KIF2A: variants seen among roughly 807,000 people sequenced by gnomAD.
KIF2A encodes the protein kinesin family member 2A.
A neutral mutation model predicts 100.2 loss-of-function variants in KIF2A; 22 were observed. The ratio of observed to expected loss-of-function variants is 0.22; its 90% confidence interval spans 0.16 to 0.31. KIF2A has a LOEUF of 0.31. Ranked by LOEUF, KIF2A falls within the 10% of genes least tolerant of loss-of-function variation. KIF2A has a pLI of 1.00. For synonymous variants in KIF2A, 268 were observed against 285.9 expected (o/e 0.94, Z 0.63); for missense variants, 495 against 898.7 (o/e 0.55, Z 5.74).
At chr5:62,379,302 C>A (rs1021028484) in intron 19 of KIF2A, among the ~76,000 whole-genome samples, 1 of 152,040 alleles carries the variant, frequency 6.6e-6, no homozygotes, top group Non-Finnish European at 1.5e-5. Flanking sequence ...TTATGATCTG[C>A]CATTTCACAA....
In KIF2A at chr5:62,371,008, T is replaced by C. The variant is rs556275737; in HGVS notation, c.1647-1430T>C. ...CAGGCCAGACGCTGTAGCTCATGCTTGTAATCCCAGTACTTTGGGAGGCCG... is the reference window on the plus strand; with the variant it reads ...CAGGCCAGACGCTGTAGCTCATGCTCGTAATCCCAGTACTTTGGGAGGCCG... On this transcript the variant is annotated intron_variant, in intron 16 of 20. Coordinates refer to ENST00000407818, the MANE Select transcript of KIF2A (RefSeq NM_001098511.3). Among the ~76,000 whole-genome samples, 796 of 152,294 alleles carry C rather than the reference T, an allele frequency of 5.2e-3. 4 individuals are homozygous for C. Among genetic ancestry groups the C allele is most frequent in the Non-Finnish European group, 7.1e-3 (481 of 68,016 alleles).
chr5:62,385,610 C>A lies in KIF2A; in HGVS notation c.*41C>A. 1.5e-6 allele frequency: 2 copies of A among 1,366,338 alleles called. No individual in the cohort carries two copies. Among genetic ancestry groups the A allele is most frequent in the Non-Finnish European group, 1.0e-6 (1 of 975,558 alleles). The allele number at this position is 1,366,338 out of a possible 1,614,324, so 84.6% of individuals were successfully genotyped here. ...TAAAGGATACCCAGAACCCTCACTA[C>A]TGTAACATACAACGGTTCAGCTGTA... On this transcript the variant is annotated 3_prime_UTR_variant, in exon 21 of 21. Coordinates refer to ENST00000407818, the MANE Select transcript of KIF2A (RefSeq NM_001098511.3).
Position 62,386,324 on chromosome 5 carries a change from C to A in KIF2A, c.*755C>A, listed in dbSNP as rs1315259444. 1 of 152,378 alleles carries A rather than the reference C, an allele frequency of 6.6e-6. No homozygotes were observed. The highest frequency in any genetic ancestry group is 1.5e-5 in the Non-Finnish European group (1 of 67,984). 9.4% of individuals were successfully genotyped at this position (152,378 alleles called of 1,614,324 possible). A position where few individuals can be genotyped will look rare whatever the true frequency, so the allele number is the denominator to read the frequency against. ...TGATTATAATTTTTCTTAGCATTTT[C>A]TTTGTAAAGAACTACAATATAAACT... is the stretch of plus-strand genomic sequence containing the variant. On this transcript the variant is annotated 3_prime_UTR_variant, in exon 21 of 21. Coordinates refer to ENST00000407818, the MANE Select transcript of KIF2A (RefSeq NM_001098511.3).
rs760247324 is a variant in KIF2A at position 62,306,458 on chromosome 5, G to A, written c.-15G>A. On this transcript the variant is annotated 5_prime_UTR_variant, in exon 1 of 21. Coordinates refer to ENST00000407818, the MANE Select transcript of KIF2A (RefSeq NM_001098511.3). ...CCCCCTCCCTCGGCCCGCTGCTGCTGCTCCAGATGAGGTGATGGCAACGGC... is the reference window on the plus strand; with the variant it reads ...CCCCCTCCCTCGGCCCGCTGCTGCTACTCCAGATGAGGTGATGGCAACGGC... The A allele has an allele frequency of 5.2e-6, 8 of 1,541,312 alleles. No individual in the cohort carries two copies. The South Asian group carries it at 8.5e-5, about 16-fold the overall frequency.
chr5:62,355,917 G>A (rs567512371), intron 7 of KIF2A, among the ~76,000 whole-genome samples: 158 of 151,770 alleles, frequency 1.0e-3, no homozygotes, highest in South Asian at 4.2e-3. Flanking sequence ...AAGTAGCTGG[G>A]ACTACAGGCG....
At chr5:62,352,105 A>T (rs1368585021) in intron 4 of KIF2A, among the ~76,000 whole-genome samples, 1 of 149,338 alleles carries the variant, frequency 6.7e-6, no homozygotes, top group African/African-American at 2.5e-5. Flanking sequence ...GTGAGCCGAG[A>T]TTGCACCACT....
chr5:62,346,830 G>A (rs945770188), intron 1 of KIF2A, among the ~76,000 whole-genome samples: 1 of 152,204 alleles, frequency 6.6e-6, no homozygotes, highest in Non-Finnish European at 1.5e-5. Context: ...GATTAGAACT[G>A]TTTAACAGTT....
intron 1 of KIF2A, among the ~76,000 whole-genome samples, chr5:62,313,939 G>A (rs1023880319): frequency 1.6e-4 from 24 of 151,924 alleles, no homozygotes; most frequent in African/African-American, 5.1e-4. Context: ...CTACAGGTAT[G>A]CACAACCATG....
At chr5:62,380,972 T>C in intron 19 of KIF2A, 146 bp from the exon 20 acceptor site, 1 of 640,358 alleles carries the variant, frequency 1.6e-6, no homozygotes, top group South Asian at 2.0e-5. Flanking sequence ...TTCTTAATTA[T>C]ACTGTCTGTG....
intron 19 of KIF2A, among the ~76,000 whole-genome samples, chr5:62,379,452 T>G (rs1195409730): frequency 2.0e-5 from 3 of 152,076 alleles, no homozygotes; most frequent in Non-Finnish European, 2.9e-5. Context: ...CACCTGAGTT[T>G]GCGAGTTCGA....
chr5:62,358,511 G>A (rs2111943142), intron 9 of KIF2A, among the ~76,000 whole-genome samples: 1 of 152,076 alleles, frequency 6.6e-6, no homozygotes, highest in South Asian at 2.1e-4. Flanking sequence ...ATTACTATTT[G>A]CTAATTAGCT....
At chr5:62,380,583 A>G (rs1417140928) in intron 19 of KIF2A, among the ~76,000 whole-genome samples, 4 of 152,190 alleles carry the variant, frequency 2.6e-5, no homozygotes, top group Admixed American at 6.5e-5. Flanking sequence ...AAACTTGACT[A>G]TTGACCAGAA....
At chr5:62,309,721 T>C (rs899644713) in intron 1 of KIF2A, among the ~76,000 whole-genome samples, 2 of 152,214 alleles carry the variant, frequency 1.3e-5, no homozygotes, top group African/African-American at 4.8e-5. Context: ...TGGCGATCCA[T>C]GTCCCTATTT....
intron 1 of KIF2A, 66 bp downstream of exon 1, chr5:62,306,602 C>T: frequency 3.0e-6 from 4 of 1,323,198 alleles, no homozygotes; most frequent in Non-Finnish European, 4.2e-6. Flanking sequence ...GGAGGGGACG[C>T]GGGCGCCGGC....
At chr5:62,319,867 A>G (rs982027495) in intron 1 of KIF2A, among the ~76,000 whole-genome samples, 5 of 152,178 alleles carry the variant, frequency 3.3e-5, no homozygotes, top group African/African-American at 9.7e-5. Context: ...TGACTAATGA[A>G]GTTCCAAAAT....
intron 7 of KIF2A, among the ~76,000 whole-genome samples, chr5:62,355,805 T>C (rs1748072998): frequency 6.6e-6 from 1 of 151,516 alleles, no homozygotes; most frequent in African/African-American, 2.4e-5. Flanking sequence ...GTGCCTTTTT[T>C]TTTTTTTTTT....
rs775533413 is a variant in KIF2A, at chr5:62,389,485, C to CAAAAAAA, written c.*3926_*3932dup. Among the ~76,000 whole-genome samples the CAAAAAAA allele has an allele frequency of 1.6e-3, 122 of 75,748 alleles. 2 individuals are homozygous for CAAAAAAA. Among genetic ancestry groups the CAAAAAAA allele is most frequent in the African/African-American group, 3.3e-3 (58 of 17,502 alleles). The allele number at this position is 75,748 out of a possible 152,430, so 49.7% of individuals were successfully genotyped here. On this transcript the variant is annotated 3_prime_UTR_variant, in exon 21 of 21. Transcript: ENST00000407818. Reference sequence around the variant, plus strand: ...TGGGTGACAGAGCAAGACTCTGTCTCAAAAAAAAAAAAAAAAGAAATGTTA... The same window carrying CAAAAAAA: ...TGGGTGACAGAGCAAGACTCTGTCTCAAAAAAAAAAAAAAAAAAAAAAAGAAATGTTA...
chr5:62,348,188 G>A lies in KIF2A; in HGVS notation c.279+21G>A, dbSNP rs767409036. 1.9e-6 allele frequency: 3 copies of A among 1,612,694 alleles called. No homozygotes were observed. In the South Asian group the frequency reaches 3.3e-5, roughly 18 times the overall value. ...TAAAGGTTAGTGATGAAAATTCAGAGTGCAGGACACTGGGAGAGAGCGGGA... is the reference window on the plus strand; with the variant it reads ...TAAAGGTTAGTGATGAAAATTCAGAATGCAGGACACTGGGAGAGAGCGGGA... On this transcript the variant is annotated intron_variant, in intron 3 of 20. Coordinates refer to ENST00000407818, the MANE Select transcript of KIF2A (RefSeq NM_001098511.3).
At position 62,363,243 on chromosome 5, in the gene KIF2A, A is replaced by G. The variant is rs1740895529; in HGVS notation, c.1185A>G (p.Gln395=). The G allele has an allele frequency of 6.2e-7, 1 of 1,613,478 alleles. No individual in the cohort carries two copies. Among genetic ancestry groups the G allele is most frequent in the Non-Finnish European group, 8.5e-7 (1 of 1,179,514 alleles). Residue 395 remains glutamine, a synonymous_variant, in exon 13 of 21, where the codon CAA becomes CAG. Coordinates refer to ENST00000407818, the MANE Select transcript of KIF2A (RefSeq NM_001098511.3). ...RVLEDGKQQV[Q]VVGLQEREVK... is the part of the protein sequence containing the mutation. ...TAGAAGATGGAAAACAGCAGGTTCA[A>G]GTGGTGGGATTACAGGAACGGGAGG...
Sources: gnomAD v4.1 joint callset for allele counts (sites outside exome capture counted in the v4.1 genomes callset) on GRCh38, gnomAD v4.1.1 for gene constraint, MANE v1.5 for transcripts, NCBI Gene and HGNC (gene_info 2026-07-23, HGNC 2026-07-21) for gene names.